AKAP7: variants seen among roughly 807,000 people sequenced by gnomAD.
AKAP7 encodes A-kinase anchoring protein 7.
AKAP7 carries 39 observed loss-of-function variants against 39.5 expected under a neutral mutation model. That is an observed-to-expected ratio of 0.99 (90% CI 0.76 to 1.29). The LOEUF is 1.29. AKAP7 is among the 50% of genes most tolerant of loss of function. The pLI, the probability that AKAP7 is intolerant of heterozygous loss-of-function variation, is 0.00. For synonymous variants in AKAP7, 140 were observed against 139.1 expected (o/e 1.01, Z -0.05); for missense variants, 414 against 407.7 (o/e 1.02, Z -0.13).
At chr6:131,169,656 A>G (rs1250991134) in intron 5 of AKAP7, among the ~76,000 whole-genome samples, 1 of 152,206 alleles carries the variant, frequency 6.6e-6, no homozygotes, top group East Asian at 1.9e-4. Flanking sequence ...AGAAGACCTC[A>G]TATGTGTTGG....
chr6:131,200,605 T>C (rs1807462807), intron 6 of AKAP7, among the ~76,000 whole-genome samples: 1 of 152,190 alleles, frequency 6.6e-6, no homozygotes, highest in African/African-American at 2.4e-5. Flanking sequence ...CATCCTATAG[T>C]TAAGAGTTTT....
chr6:131,226,818 G>A (rs1363276576), intron 7 of AKAP7, among the ~76,000 whole-genome samples: 1 of 152,144 alleles, frequency 6.6e-6, no homozygotes, highest in African/African-American at 2.4e-5. Flanking sequence ...GCAAGCAGAG[G>A]TAGAAACAGA....
At chr6:131,221,655 G>T (rs1208904223) in intron 7 of AKAP7, among the ~76,000 whole-genome samples, 1 of 152,220 alleles carries the variant, frequency 6.6e-6, no homozygotes, top group African/African-American at 2.4e-5. Flanking sequence ...TTAAGTTGAA[G>T]CCAGTGCTCA....
intron 2 of AKAP7, among the ~76,000 whole-genome samples, chr6:131,156,374 A>C (rs1355933487): frequency 6.6e-6 from 1 of 152,198 alleles, no homozygotes; most frequent in African/African-American, 2.4e-5. Flanking sequence ...GTGGTAGCTC[A>C]TGCCTGTAAT....
chr6:131,147,264 G>A (rs1236188775), intron 2 of AKAP7, among the ~76,000 whole-genome samples: 1 of 152,180 alleles, frequency 6.6e-6, no homozygotes, highest in East Asian at 1.9e-4. Flanking sequence ...CTGATGCTCA[G>A]CCAGTCTCAG....
intron 5 of AKAP7, chr6:131,185,503 C>A (rs1805752306): frequency 1.3e-5 from 4 of 303,214 alleles, no homozygotes; most frequent in Non-Finnish European, 1.9e-5. Flanking sequence ...TGCTTCTCTC[C>A]CTCCAGTAAT....
intron 5 of AKAP7, among the ~76,000 whole-genome samples, chr6:131,178,721 T>C (rs2128252596): frequency 6.6e-6 from 1 of 152,316 alleles, no homozygotes; most frequent in African/African-American, 2.4e-5. Flanking sequence ...GGTGGCTCTT[T>C]CAGTTGTCCT....
chr6:131,175,903 T>C (rs577580389), intron 5 of AKAP7, among the ~76,000 whole-genome samples: 14 of 152,328 alleles, frequency 9.2e-5, no homozygotes, highest in Admixed American at 9.2e-4. Flanking sequence ...CACTTCTTCA[T>C]CAAACATAGC....
chr6:131,201,897 A>G (rs1440559375), intron 6 of AKAP7, among the ~76,000 whole-genome samples: 2 of 152,200 alleles, frequency 1.3e-5, no homozygotes, highest in Non-Finnish European at 2.9e-5. Flanking sequence ...AAGATCAGAT[A>G]GTTGTAGATA....
At chr6:131,172,038 TAG>T (rs1804102678) in intron 5 of AKAP7, among the ~76,000 whole-genome samples, 1 of 152,136 alleles carries the variant, frequency 6.6e-6, no homozygotes, top group Non-Finnish European at 1.5e-5. Flanking sequence ...TTCTGGTTCA[TAG>T]AGAGTATGAA....
upstream of AKAP7, among the ~76,000 whole-genome samples, chr6:131,130,665 T>G (rs771949182): frequency 1.3e-5 from 2 of 152,204 alleles, no homozygotes; most frequent in Admixed American, 6.5e-5. Flanking sequence ...GCCAGGTGAA[T>G]TAGCAGGCAG....
intron 2 of AKAP7, among the ~76,000 whole-genome samples, chr6:131,150,141 C>T (rs933515208): frequency 2.6e-5 from 4 of 152,100 alleles, no homozygotes; most frequent in African/African-American, 9.7e-5. Flanking sequence ...TAAATAAAAT[C>T]TTTTGATTTT....
intron 5 of AKAP7, among the ~76,000 whole-genome samples, chr6:131,175,976 C>T (rs761300075): frequency 6.6e-6 from 1 of 152,206 alleles, no homozygotes; most frequent in Non-Finnish European, 1.5e-5. Context: ...GGTCCCATGT[C>T]TCATAAAACT....
At chr6:131,156,778 CTT>C (rs902449634) in intron 2 of AKAP7, among the ~76,000 whole-genome samples, 7 of 143,556 alleles carry the variant, frequency 4.9e-5, no homozygotes, top group Non-Finnish European at 3.1e-5. Context: ...TTGGAGTTTC[CTT>C]TTTTTTTTTT....
intron 2 of AKAP7, among the ~76,000 whole-genome samples, chr6:131,148,522 G>A (rs1343834763): frequency 6.6e-6 from 1 of 151,894 alleles, no homozygotes; most frequent in Non-Finnish European, 1.5e-5. Context: ...AAGAGATAAT[G>A]TATGCAAGAA....
chr6:131,156,697 A>G (rs766029710), intron 2 of AKAP7, among the ~76,000 whole-genome samples: 4 of 152,102 alleles, frequency 2.6e-5, no homozygotes, highest in Admixed American at 6.6e-5. Flanking sequence ...TTCATTTTCC[A>G]TACTCATAGA....
At chr6:131,188,673 G>A (rs1806108177) in intron 5 of AKAP7, among the ~76,000 whole-genome samples, 2 of 151,880 alleles carry the variant, frequency 1.3e-5, no homozygotes, top group Admixed American at 1.3e-4. Flanking sequence ...TGAGTAGCTG[G>A]GACTACAGGC....
rs758349500 is a variant in AKAP7, at chr6:131,160,055, C to A, written c.152-4C>A. On this transcript the variant is annotated splice_region_variant and splice_polypyrimidine_tract_variant and intron_variant, in intron 2 of 7. Transcript: ENST00000431975. Reference sequence around the variant, plus strand: ...AGACGTATTGTTTGACTTTTTTCCTCTAGTCACTGATGAACCTCAAATAAA... The same window carrying A: ...AGACGTATTGTTTGACTTTTTTCCTATAGTCACTGATGAACCTCAAATAAA... 3 of 1,571,300 alleles carry A rather than the reference C, an allele frequency of 1.9e-6. No individual in the cohort carries two copies. In the East Asian group the frequency reaches 6.8e-5, roughly 36 times the overall value.
At chr6:131,135,820 A>G (rs1291705835) in intron 1 of AKAP7, 38 bp downstream of exon 1, 2 of 1,226,052 alleles carry the variant, frequency 1.6e-6, no homozygotes, top group East Asian at 6.4e-5. Flanking sequence ...GGCGGGGGCG[A>G]CAGGAGCCGC....
Sources: allele counts gnomAD v4.1 joint callset (sites outside exome capture counted in the v4.1 genomes callset), GRCh38; gene constraint gnomAD v4.1.1; transcripts MANE v1.5; gene names NCBI Gene and HGNC (gene_info 2026-07-23, HGNC 2026-07-21).